Variants in PLEKHA6 observed in about 807,000 individuals in gnomAD.
PLEKHA6 encodes the protein pleckstrin homology domain-containing family A member 6.
Under a neutral mutation model 116.7 loss-of-function variants are expected in PLEKHA6, and 60 were observed. The observed-to-expected ratio is 0.51, with a 90% CI of 0.42 to 0.64. The LOEUF (loss-of-function observed/expected upper bound fraction) is 0.64. Among genes scored for constraint, PLEKHA6 ranks in the 30% least tolerant of loss-of-function variants. PLEKHA6 has a pLI of 0.00. For missense variants in PLEKHA6, 1,338 were observed against 1,422.7 expected (o/e 0.94, Z 0.96); for synonymous variants, 489 against 556.1 (o/e 0.88, Z 1.70).
At chr1:204,354,924 T>C (rs1280713888) in intron 1 of PLEKHA6, among the ~76,000 whole-genome samples, 1 of 152,218 alleles carries the variant, frequency 6.6e-6, no homozygotes, top group Non-Finnish European at 1.5e-5. Context: ...GAGTATCCTA[T>C]AAGCCATGCA....
chr1:204,276,071 C>G (rs1572024570), intron 1 of PLEKHA6, among the ~76,000 whole-genome samples: 1 of 152,190 alleles, frequency 6.6e-6, no homozygotes, highest in Admixed American at 6.5e-5. Flanking sequence ...TTTCAATAGC[C>G]CAGGACACAT....
rs1228534784 is a variant in PLEKHA6 at position 204,359,758 on chromosome 1, C to G, written c.-159G>C. 2 of 942,152 alleles carry G rather than the reference C, an allele frequency of 2.1e-6. No individual in the cohort carries two copies. Among genetic ancestry groups the G allele is most frequent in the Non-Finnish European group, 2.5e-6 (2 of 790,298 alleles). The allele number at this position is 942,152 out of a possible 1,614,324, so 58.4% of individuals were successfully genotyped here. On this transcript the variant is annotated 5_prime_UTR_variant, in exon 1 of 23. Coordinates refer to ENST00000272203, the MANE Select transcript of PLEKHA6 (RefSeq NM_014935.5). ...CTCTGCGAGCCCCAAGGCACCCCTC[C>G]CCCCAGCTCAGGCCAGCTGGGGTCC...
intron 3 of PLEKHA6, among the ~76,000 whole-genome samples, chr1:204,273,067 A>T (rs2102896138): frequency 6.6e-6 from 1 of 152,196 alleles, no homozygotes; most frequent in African/African-American, 2.4e-5. Flanking sequence ...AACCCAGAGG[A>T]CACTTTCAGC....
intron 1 of PLEKHA6, among the ~76,000 whole-genome samples, chr1:204,351,576 A>G (rs1303875015): frequency 1.3e-5 from 2 of 152,228 alleles, no homozygotes; most frequent in African/African-American, 4.8e-5. Context: ...GGAAGAGCTA[A>G]TATTTTCTAG....
intron 1 of PLEKHA6, 86 bp downstream of exon 1, chr1:204,359,608 G>A (rs1197112863): frequency 3.7e-5 from 36 of 985,192 alleles, no homozygotes; most frequent in African/African-American, 7.0e-5. Flanking sequence ...CCAGGCTCAC[G>A]CGGCAGACAG....
chr1:204,373,390 ATT>A (rs35131724), intron 1 of PLEKHA6, among the ~76,000 whole-genome samples: 5 of 149,326 alleles, frequency 3.3e-5, no homozygotes, highest in South Asian at 4.2e-4. Context: ...GTCTCTGGCT[ATT>A]TTTTTTTTGC....
intron 1 of PLEKHA6, chr1:204,282,763 G>T (rs567693635): frequency 1.0e-6 from 1 of 985,342 alleles, no homozygotes; most frequent in East Asian, 1.1e-4. Context: ...GGGCAATCCA[G>T]CTCCCTGGAG....
At chr1:204,271,937 T>G (rs1487972538) in intron 3 of PLEKHA6, among the ~76,000 whole-genome samples, 4 of 152,216 alleles carry the variant, frequency 2.6e-5, no homozygotes, top group Admixed American at 1.3e-4. Flanking sequence ...TTAGAGTACA[T>G]GTGCACAACG....
chr1:204,236,101 C>T (rs571237018), intron 17 of PLEKHA6, among the ~76,000 whole-genome samples: 1 of 152,060 alleles, frequency 6.6e-6, no homozygotes, highest in Admixed American at 6.5e-5. Flanking sequence ...GGAGAACAGG[C>T]ATGGGAATGG....
At position 204,259,951 on chromosome 1, in the gene PLEKHA6, CT is replaced by C. The variant is rs917630925; in HGVS notation, c.525-212del. ...AATTATTATACAACCTAATCCGCCC[CT>C]GCCCACACCTGCTGTGTTAACTCTG... On this transcript the variant is annotated intron_variant, in intron 7 of 22. Coordinates refer to ENST00000272203, the MANE Select transcript of PLEKHA6 (RefSeq NM_014935.5). This position sits in a 1 kb window ranked among gnomAD's most constrained non-coding sequence, Gnocchi z 4.6. Among the ~76,000 whole-genome samples the C allele has an allele frequency of 6.6e-6, 1 of 152,140 alleles. No individual in the cohort carries two copies. The highest frequency in any genetic ancestry group is 2.4e-5 in the African/African-American group (1 of 41,428).
intron 1 of PLEKHA6, among the ~76,000 whole-genome samples, chr1:204,374,959 G>A (rs997720844): frequency 2.6e-4 from 40 of 152,240 alleles, no homozygotes; most frequent in African/African-American, 9.4e-4. Context: ...TTTAGCCTTT[G>A]GCCCGTTTGG....
chr1:204,257,417 C>T lies in PLEKHA6; in HGVS notation c.1460G>A (p.Arg487His), dbSNP rs749809491. 2.3e-5 allele frequency: 36 copies of T among 1,564,432 alleles called. No individual in the cohort carries two copies. Among genetic ancestry groups the T allele is most frequent in the South Asian group, 4.7e-5 (4 of 85,078 alleles). Residue 487 changes from arginine (R) to histidine (H), a missense_variant, in exon 9 of 23, where the codon CGC (arginine) becomes CAC (histidine). By Grantham distance (29) the Arg-to-His change is conservative. Around this residue, in one of 3 missense-constraint regions of PLEKHA6, gnomAD observed 1,136 missense variants for 1,163.6 expected, o/e 0.98. Coordinates refer to ENST00000272203, the MANE Select transcript of PLEKHA6 (RefSeq NM_014935.5). This position sits in a 1 kb window ranked among gnomAD's most constrained non-coding sequence, Gnocchi z 6.5. ...AGGGTCAGCATAGATGTCCTCACTG[C>T]GAGGTGGCAGCCGCTCAAAACGGGC... is the stretch of plus-strand genomic sequence containing the variant. ...PSARFERLPP[R>H]SEDIYADPAA...
At chr1:204,324,858 G>T (rs1672187916) in intron 1 of PLEKHA6, among the ~76,000 whole-genome samples, 1 of 152,178 alleles carries the variant, frequency 6.6e-6, no homozygotes, top group Non-Finnish European at 1.5e-5. Flanking sequence ...GGAGACTGGA[G>T]ATCACATGAT....
intron 1 of PLEKHA6, among the ~76,000 whole-genome samples, chr1:204,357,724 G>A (rs1673454446): frequency 6.6e-6 from 1 of 151,646 alleles, no homozygotes; most frequent in Non-Finnish European, 1.5e-5. Flanking sequence ...TCGGAGAACG[G>A]AACCGCAGCC....
At chr1:204,298,866 C>A (rs1381577436) in intron 1 of PLEKHA6, among the ~76,000 whole-genome samples, 1 of 152,204 alleles carries the variant, frequency 6.6e-6, no homozygotes, top group Non-Finnish European at 1.5e-5. Flanking sequence ...CCAGGCAATT[C>A]TATTGGTGAT....
intron 9 of PLEKHA6, among the ~76,000 whole-genome samples, chr1:204,251,904 C>T (rs4951332): frequency 0.65 from 98,858 of 151,862 alleles, 32,330 homozygotes; most frequent in East Asian, 0.82. Flanking sequence ...TTGTCCCATC[C>T]GCACTGGCCA....
chr1:204,313,588 A>G (rs1033586969), intron 1 of PLEKHA6: 1 of 984,982 alleles, frequency 1.0e-6, no homozygotes, highest in African/African-American at 1.7e-5. Flanking sequence ...CCCTGGGGAG[A>G]AAATTCTCTT....
intron 1 of PLEKHA6, among the ~76,000 whole-genome samples, chr1:204,283,266 TC>T (rs1409282122): frequency 1.4e-5 from 2 of 145,512 alleles, no homozygotes; most frequent in Non-Finnish European, 3.0e-5. Context: ...TCCTTCCCCA[TC>T]CTCAAAAGCT....
At chr1:204,245,094 G>T in intron 14 of PLEKHA6, 91 bp from the exon 15 acceptor site, 1 of 898,190 alleles carries the variant, frequency 1.1e-6, no homozygotes, top group Non-Finnish European at 1.6e-6. Context: ...GCAGGGAGAA[G>T]CCAGATCCAG....
Sources: gnomAD v4.1 joint callset for allele counts (sites outside exome capture counted in the v4.1 genomes callset) on GRCh38, gnomAD v4.1.1 for gene constraint, gnomAD v4.1.1 regional missense constraint, Gnocchi (gnomAD v3.1) non-coding constraint, MANE v1.5 for transcripts, NCBI Gene and HGNC (gene_info 2026-07-23, HGNC 2026-07-21) for gene names.